NRXN3: variants seen among roughly 807,000 people sequenced by gnomAD.
NRXN3 encodes neurexin III.
In NRXN3, 32 loss-of-function variants were observed where a neutral mutation model predicts 137.6. That is an observed-to-expected ratio of 0.23 (90% confidence interval 0.18 to 0.31). The LOEUF is 0.31. NRXN3 is among the 10% of genes least tolerant of loss of function. NRXN3 has a pLI of 1.00. For synonymous variants in NRXN3, 798 were observed against 784.5 expected, an observed-to-expected ratio of 1.02 and a Z score of -0.29; for missense variants, 1,574 against 2,062.5, an observed-to-expected ratio of 0.76 and a Z score of 4.59.
intron 15 of NRXN3, among the ~76,000 whole-genome samples, chr14:79,217,430 C>T (rs556345384): frequency 6.6e-6 from 1 of 152,254 alleles, no homozygotes; most frequent in African/African-American, 2.4e-5. Context: ...ATCCCCATGA[C>T]CCGGACACCT....
intron 15 of NRXN3, among the ~76,000 whole-genome samples, chr14:79,020,935 A>G (rs1406489334): frequency 1.3e-5 from 2 of 151,370 alleles, no homozygotes. Context: ...AATCACCTCA[A>G]TTATGGAGGG....
rs1396250881 is a variant in NRXN3, at chr14:79,283,476, C to G, written c.3263-183745C>G. On this transcript the variant is annotated intron_variant, in intron 15 of 20. Coordinates refer to ENST00000335750, the MANE Select transcript of NRXN3 (RefSeq NM_001330195.2). The stretch of plus-strand genomic sequence containing the variant: ...GAAGAAACAGAAATCCTCCAAATAG[C>G]TGATATTTTACCTACACTTTTGCCT... Among the ~76,000 whole-genome samples, 8 of 152,170 alleles carry G rather than the reference C, an allele frequency of 5.3e-5. 1 individual carries two copies. The highest frequency in any genetic ancestry group is 5.2e-4 in the Admixed American group (8 of 15,274).
intron 2 of NRXN3, among the ~76,000 whole-genome samples, chr14:78,255,028 A>G (rs1431987846): frequency 6.6e-6 from 1 of 152,032 alleles, no homozygotes; most frequent in Non-Finnish European, 1.5e-5. Context: ...GGGCTTAGGC[A>G]GGGCTGGAAG....
At position 79,819,482 on chromosome 14, in the gene NRXN3, C is replaced by CTTTTTTTTTTTTTT. The variant is rs58492725; in HGVS notation, c.4093+14299_4093+14312dup. Among the ~76,000 whole-genome samples, 72 of 71,920 alleles carry CTTTTTTTTTTTTTT rather than the reference C, an allele frequency of 1.0e-3. 7 individuals carry two copies. Among genetic ancestry groups the CTTTTTTTTTTTTTT allele is most frequent in the African/African-American group, 1.8e-3 (28 of 15,638 alleles). The allele number at this position is 71,920 out of a possible 152,430, so 47.2% of individuals were successfully genotyped here. ...ATAGGATACAACAGGACATTAAAAG[C>CTTTTTTTTTTTTTT]TTTTTTTTTTTTTTTTTTTTGAGAC... On this transcript the variant is annotated intron_variant, in intron 20 of 20. Coordinates refer to ENST00000335750, the MANE Select transcript of NRXN3 (RefSeq NM_001330195.2).
chr14:79,069,270 T>A (rs2099684556), intron 15 of NRXN3, among the ~76,000 whole-genome samples: 1 of 152,140 alleles, frequency 6.6e-6, no homozygotes, highest in Non-Finnish European at 1.5e-5. Flanking sequence ...TTCTTCTTTG[T>A]CAATCTCTGT....
chr14:78,936,641 T>C (rs1186650321), intron 10 of NRXN3, among the ~76,000 whole-genome samples: 1 of 152,224 alleles, frequency 6.6e-6, no homozygotes, highest in African/African-American at 2.4e-5. Context: ...TCAAAACTTA[T>C]AAAATTGTAC....
intron 4 of NRXN3, among the ~76,000 whole-genome samples, chr14:78,568,595 G>A (rs2096858155): frequency 6.6e-6 from 1 of 152,174 alleles, no homozygotes; most frequent in Admixed American, 6.5e-5. Context: ...CCCTACAACA[G>A]TATTGATTTT....
intron 8 of NRXN3, among the ~76,000 whole-genome samples, chr14:78,748,915 C>A (rs1487756587): frequency 6.6e-6 from 1 of 152,144 alleles, no homozygotes; most frequent in African/African-American, 2.4e-5. Context: ...GCAGTAGAAC[C>A]AAATCCAGGA....
chr14:79,508,440 A>G (rs911782882), intron 16 of NRXN3, among the ~76,000 whole-genome samples: 3 of 106,172 alleles, frequency 2.8e-5, no homozygotes, highest in African/African-American at 7.4e-5. Context: ...CCCAGGTTGG[A>G]GTGCAGTGGC....
At chr14:79,797,039 G>A (rs560542670) in intron 19 of NRXN3, among the ~76,000 whole-genome samples, 1 of 152,292 alleles carries the variant, frequency 6.6e-6, no homozygotes, top group East Asian at 1.9e-4. Context: ...CACAGTGATT[G>A]ACTGGCACAT....
At chr14:78,352,067 A>C (rs1372192619) in intron 4 of NRXN3, among the ~76,000 whole-genome samples, 1 of 139,020 alleles carries the variant, frequency 7.2e-6, no homozygotes, top group Non-Finnish European at 1.5e-5. Flanking sequence ...CAGCCTGGGC[A>C]ACAGAGTCAG....
At chr14:78,421,267 A>G (rs1044187057) in intron 4 of NRXN3, among the ~76,000 whole-genome samples, 3 of 151,950 alleles carry the variant, frequency 2.0e-5, no homozygotes, top group African/African-American at 7.2e-5. Flanking sequence ...ATCTCAAAAA[A>G]AAAAAAAAGA....
intron 10 of NRXN3, among the ~76,000 whole-genome samples, chr14:78,877,480 A>G (rs2099116631): frequency 1.3e-5 from 2 of 152,140 alleles, no homozygotes. Flanking sequence ...AATTCAAAAT[A>G]CATACTGCCT....
chr14:78,997,218 AAT>A (rs1197217633), intron 15 of NRXN3, among the ~76,000 whole-genome samples: 4 of 152,166 alleles, frequency 2.6e-5, no homozygotes, highest in Admixed American at 6.5e-5. Context: ...TTCAAGAAAA[AAT>A]AGTCTCCATA....
intron 8 of NRXN3, chr14:78,744,752 T>C (rs191640760): frequency 6.6e-6 from 1 of 152,296 alleles, no homozygotes; most frequent in East Asian, 1.9e-4. Context: ...TTCTGCTCTG[T>C]TCACTGCTAT....
intron 15 of NRXN3, among the ~76,000 whole-genome samples, chr14:79,068,306 A>G (rs1379460768): frequency 6.6e-6 from 1 of 152,136 alleles, no homozygotes; most frequent in Non-Finnish European, 1.5e-5. Context: ...AGGGTTAAGT[A>G]TAACTTTCTC....
At chr14:79,481,778 A>G (rs1232734090) in intron 16 of NRXN3, among the ~76,000 whole-genome samples, 1 of 152,144 alleles carries the variant, frequency 6.6e-6, no homozygotes, top group Non-Finnish European at 1.5e-5. Context: ...TTTGGAGGCT[A>G]GGGTTTTTCC....
intron 4 of NRXN3, among the ~76,000 whole-genome samples, chr14:78,407,494 C>T (rs957628212): frequency 6.6e-6 from 1 of 152,104 alleles, no homozygotes; most frequent in African/African-American, 2.4e-5. Context: ...TGTGTTTGAA[C>T]CAAATTGAAT....
At chr14:78,590,730 A>G (rs773281471) in intron 4 of NRXN3, among the ~76,000 whole-genome samples, 6 of 152,172 alleles carry the variant, frequency 3.9e-5, no homozygotes, top group Non-Finnish European at 8.8e-5. Context: ...CCTGGCCAAC[A>G]TGGCAAAACC....
Sources: allele counts gnomAD v4.1 joint callset (sites outside exome capture counted in the v4.1 genomes callset), GRCh38; gene constraint gnomAD v4.1.1; transcripts MANE v1.5; gene names NCBI Gene and HGNC (gene_info 2026-07-23, HGNC 2026-07-21).